UNC5C: variants seen among roughly 807,000 people sequenced by gnomAD.
UNC5C encodes the protein netrin receptor UNC5C.
UNC5C carries 47 observed loss-of-function variants against 99.8 expected under a neutral mutation model. The ratio of observed to expected loss-of-function variants is 0.47; its 90% CI spans 0.37 to 0.60. The LOEUF is 0.60. Ranked by LOEUF, UNC5C falls within the 20% of genes least tolerant of loss-of-function variation. UNC5C has a pLI of 0.00. For synonymous variants in UNC5C, 487 were observed against 452.2 expected, an observed-to-expected ratio of 1.08 and a Z score of -0.98; for missense variants, 1,062 against 1,165.9, an observed-to-expected ratio of 0.91 and a Z score of 1.30.
chr4:95,487,238 G>A (rs1721352041), intron 1 of UNC5C, among the ~76,000 whole-genome samples: 1 of 151,792 alleles, frequency 6.6e-6, no homozygotes, highest in South Asian at 2.1e-4. Context: ...TTGGTGTCTA[G>A]CACATTGCTT....
intron 4 of UNC5C, among the ~76,000 whole-genome samples, chr4:95,267,795 A>AC (rs1740501929): frequency 1.3e-5 from 2 of 149,312 alleles, no homozygotes; most frequent in African/African-American, 4.9e-5. Context: ...AAATAACAAT[A>AC]CAAAAAAAAA....
chr4:95,319,138 T>A (rs1387763661), intron 2 of UNC5C, among the ~76,000 whole-genome samples: 1 of 152,160 alleles, frequency 6.6e-6, no homozygotes, highest in Non-Finnish European at 1.5e-5. Flanking sequence ...ATAAATAACA[T>A]CTCTCTTGTA....
intron 1 of UNC5C, among the ~76,000 whole-genome samples, chr4:95,542,819 A>G (rs1290000448): frequency 5.3e-5 from 8 of 152,116 alleles, no homozygotes; most frequent in Admixed American, 3.3e-4. Context: ...TAAAAAAAAA[A>G]GTTTTCTATT....
At chr4:95,514,628 A>G in intron 1 of UNC5C, among the ~76,000 whole-genome samples, 2 of 148,504 alleles carry the variant, frequency 1.3e-5, no homozygotes, top group Non-Finnish European at 3.0e-5. Context: ...CAATATAAAT[A>G]TATTTATTTA....
At chr4:95,202,192 A>G (rs1301553764) in intron 12 of UNC5C, among the ~76,000 whole-genome samples, 2 of 152,206 alleles carry the variant, frequency 1.3e-5, no homozygotes, top group East Asian at 1.9e-4. Context: ...TAAGTTCTTC[A>G]AAGGCACTTA....
intron 4 of UNC5C, among the ~76,000 whole-genome samples, chr4:95,272,050 G>GTC (rs1740685073): frequency 1.1e-5 from 1 of 87,846 alleles, no homozygotes; most frequent in Non-Finnish European, 2.3e-5. Flanking sequence ...CTCCATTACT[G>GTC]TCTCTTCAAT....
chr4:95,335,708 T>C (rs1743312226), intron 1 of UNC5C, 77 bp from the exon 2 acceptor site: 5 of 1,173,844 alleles, frequency 4.3e-6, no homozygotes, highest in South Asian at 1.6e-5. Flanking sequence ...CATGTAAAAA[T>C]AGTGACTTAT....
chr4:95,526,185 G>A (rs1455359012), intron 1 of UNC5C, among the ~76,000 whole-genome samples: 1 of 152,076 alleles, frequency 6.6e-6, no homozygotes, highest in African/African-American at 2.4e-5. Flanking sequence ...GGTATTACAT[G>A]ATCTTGCAGT....
intron 7 of UNC5C, among the ~76,000 whole-genome samples, chr4:95,237,577 A>AT (rs756262704): frequency 5.6e-4 from 85 of 152,252 alleles, no homozygotes; most frequent in Non-Finnish European, 1.0e-3. Context: ...CTTTTGATTA[A>AT]TTTTTCAGTT....
intron 10 of UNC5C, among the ~76,000 whole-genome samples, chr4:95,209,564 C>G (rs529063684): frequency 1.3e-5 from 2 of 152,198 alleles, no homozygotes. Flanking sequence ...TAACAATACC[C>G]TTTCCTCCAT....
intron 1 of UNC5C, among the ~76,000 whole-genome samples, chr4:95,357,305 T>G (rs1029743833): frequency 3.3e-5 from 5 of 151,846 alleles, no homozygotes; most frequent in Non-Finnish European, 5.9e-5. Flanking sequence ...CCCAGATAAT[T>G]TTTTAAATTA....
chr4:95,467,913 G>T (rs944675800), intron 1 of UNC5C, among the ~76,000 whole-genome samples: 1 of 152,048 alleles, frequency 6.6e-6, no homozygotes, highest in Non-Finnish European at 1.5e-5. Flanking sequence ...ATAAGGAAGA[G>T]AAAATATCTT....
At chr4:95,525,753 T>C (rs13151456) in intron 1 of UNC5C, among the ~76,000 whole-genome samples, 13,109 of 152,158 alleles carry the variant, frequency 0.086, 748 homozygotes, top group Admixed American at 0.17. Flanking sequence ...GTAACTACTC[T>C]ACTCAAAAGT....
intron 1 of UNC5C, among the ~76,000 whole-genome samples, chr4:95,493,896 A>G (rs1435578196): frequency 6.6e-6 from 1 of 151,440 alleles, no homozygotes; most frequent in African/African-American, 2.4e-5. Context: ...AATCTCCACT[A>G]CTATGTACAG....
At chr4:95,419,275 C>T (rs1746253480) in intron 1 of UNC5C, among the ~76,000 whole-genome samples, 1 of 151,998 alleles carries the variant, frequency 6.6e-6, no homozygotes. Context: ...ATAATGTCAA[C>T]ATATATGGAA....
intron 1 of UNC5C, among the ~76,000 whole-genome samples, chr4:95,516,064 C>T (rs933193554): frequency 1.3e-5 from 2 of 152,138 alleles, no homozygotes; most frequent in Non-Finnish European, 2.9e-5. Flanking sequence ...ACTGTACATG[C>T]TTTTGGACTG....
In UNC5C at chr4:95,218,581, T is replaced by G. The variant is rs1738345739; in HGVS notation, c.1645+388A>C. On this transcript the variant is annotated intron_variant, in intron 9 of 15. Transcript: ENST00000453304. ...TTGTTTTCTGTATTATTGCTTCATG[T>G]AGTAAATTGGAACTTAATCAAATGA... 3.3e-5 allele frequency among the ~76,000 whole-genome samples: 5 copies of G among 152,236 alleles called. No homozygotes were observed. In the South Asian group the frequency reaches 1.0e-3, roughly 31 times the overall value.
intron 1 of UNC5C, among the ~76,000 whole-genome samples, chr4:95,528,837 A>T (rs1722562819): frequency 6.6e-6 from 1 of 152,158 alleles, no homozygotes; most frequent in Non-Finnish European, 1.5e-5. Context: ...AGGCGATGAG[A>T]GGATATAACT....
chr4:95,333,866 T>G (rs1222468724), intron 2 of UNC5C, among the ~76,000 whole-genome samples: 1 of 152,128 alleles, frequency 6.6e-6, no homozygotes, highest in Non-Finnish European at 1.5e-5. Context: ...CTTATTTGTT[T>G]GAAATCTATA....
Sources: allele counts gnomAD v4.1 joint callset (sites outside exome capture counted in the v4.1 genomes callset), GRCh38; gene constraint gnomAD v4.1.1; transcripts MANE v1.5; gene names NCBI Gene and HGNC (gene_info 2026-07-23, HGNC 2026-07-21).